SOX5: variants seen among roughly 807,000 people sequenced by gnomAD.
SOX5 encodes the protein transcription factor SOX-5.
Under a neutral mutation model 92.0 loss-of-function variants are expected in SOX5, and 9 were observed. The observed-to-expected ratio is 0.10, with a 90% CI of 0.06 to 0.17. The LOEUF (loss-of-function observed/expected upper bound fraction) is 0.17. Among genes scored for constraint, SOX5 ranks in the 10% least tolerant of loss-of-function variants. SOX5 has a pLI of 1.00. For synonymous variants in SOX5, 344 were observed against 336.3 expected, an observed-to-expected ratio of 1.02 and a Z score of -0.25; for missense variants, 642 against 944.5, an observed-to-expected ratio of 0.68 and a Z score of 4.20.
chr12:23,839,990 C>CAAAAAA (rs142394109), intron 3 of SOX5, among the ~76,000 whole-genome samples: 17 of 121,818 alleles, frequency 1.4e-4, no homozygotes, highest in African/African-American at 2.5e-4. Flanking sequence ...CTCAAGAAGA[C>CAAAAAA]AAAAAAAAAA....
At chr12:23,737,158 TC>T (rs1306395119) in intron 5 of SOX5, among the ~76,000 whole-genome samples, 1 of 152,162 alleles carries the variant, frequency 6.6e-6, no homozygotes, top group Non-Finnish European at 1.5e-5. Flanking sequence ...CACTTCAACC[TC>T]CCACGTACTT....
At chr12:23,757,643 A>T (rs547249136) in intron 3 of SOX5, among the ~76,000 whole-genome samples, 1 of 152,122 alleles carries the variant, frequency 6.6e-6, no homozygotes, top group African/African-American at 2.4e-5. Context: ...TATTTGCAAT[A>T]GAGTACTGTC....
chr12:24,173,733 C>G (rs1954466196), intron 4 of SOX5, among the ~76,000 whole-genome samples: 1 of 152,132 alleles, frequency 6.6e-6, no homozygotes, highest in Non-Finnish European at 1.5e-5. Context: ...TAAACCAAAC[C>G]TAATAAATTA....
intron 9 of SOX5, among the ~76,000 whole-genome samples, chr12:23,587,468 TA>T (rs1341096441): frequency 2.0e-5 from 3 of 152,122 alleles, no homozygotes; most frequent in African/African-American, 7.2e-5. Flanking sequence ...AAATAATCAT[TA>T]AAAAATAATT....
chr12:23,912,113 T>C (rs924257372), intron 1 of SOX5, among the ~76,000 whole-genome samples: 1 of 152,028 alleles, frequency 6.6e-6, no homozygotes, highest in African/African-American at 2.4e-5. Flanking sequence ...TAAATATATA[T>C]GCATATACTT....
intron 1 of SOX5, among the ~76,000 whole-genome samples, chr12:24,466,971 T>G (rs1944301771): frequency 6.6e-6 from 1 of 152,222 alleles, no homozygotes. Context: ...TTAAATGCAT[T>G]CTGTTTCCTA....
At chr12:24,026,444 C>A (rs940140216) in intron 4 of SOX5, among the ~76,000 whole-genome samples, 1 of 151,604 alleles carries the variant, frequency 6.6e-6, no homozygotes, top group Non-Finnish European at 1.5e-5. Context: ...AAGATGTTAA[C>A]CCTGGCTATG....
At chr12:24,258,173 A>AC (rs1941535706) in intron 3 of SOX5, among the ~76,000 whole-genome samples, 4 of 151,992 alleles carry the variant, frequency 2.6e-5, no homozygotes, top group African/African-American at 9.7e-5. Context: ...CTCCGTCAAA[A>AC]AACACACACA....
At chr12:23,602,030 A>G (rs144142513) in intron 9 of SOX5, among the ~76,000 whole-genome samples, 1,534 of 152,310 alleles carry the variant, frequency 0.01, 31 homozygotes, top group African/African-American at 0.035. Context: ...AAGAAGTACA[A>G]CACCCACTAT....
At position 24,157,086 on chromosome 12, in the gene SOX5, T is replaced by C. The variant is rs1298432810; in HGVS notation, c.-2+56257A>G. 2.6e-5 allele frequency among the ~76,000 whole-genome samples: 4 copies of C among 152,158 alleles called. No homozygotes were observed. The East Asian group carries it at 7.7e-4, about 29-fold the overall frequency. The stretch of plus-strand genomic sequence containing the variant: ...TTTCCAAGTGTTTATCTTCAGTGTT[T>C]TCTTTCCATTTTCATTGTAGTAGAG... On this transcript the variant is annotated intron_variant, in intron 4 of 4. Transcript: ENST00000446891.
intron 2 of SOX5, among the ~76,000 whole-genome samples, chr12:23,865,772 A>T (rs970837503): frequency 6.6e-6 from 1 of 152,214 alleles, no homozygotes; most frequent in African/African-American, 2.4e-5. Flanking sequence ...AAACTTCTGG[A>T]AAGGTTTCAT....
intron 3 of SOX5, among the ~76,000 whole-genome samples, chr12:24,241,913 CAGTTTT>C (rs1211303138): frequency 6.6e-6 from 1 of 152,052 alleles, no homozygotes; most frequent in Non-Finnish European, 1.5e-5. Flanking sequence ...TTACTGTCTA[CAGTTTT>C]AATTTTTAAG....
At chr12:24,199,163 GATC>G (rs1957289097) in intron 4 of SOX5, among the ~76,000 whole-genome samples, 1 of 152,190 alleles carries the variant, frequency 6.6e-6, no homozygotes, top group Admixed American at 6.5e-5. Context: ...CTGTGTCTGA[GATC>G]ATGAGAGATG....
At chr12:23,822,340 T>C (rs1396243037) in intron 3 of SOX5, among the ~76,000 whole-genome samples, 3 of 152,224 alleles carry the variant, frequency 2.0e-5, no homozygotes, top group African/African-American at 7.2e-5. Context: ...TTCTCATTGG[T>C]TTCAAAGAAC....
chr12:23,911,431 C>T (rs771886816), intron 1 of SOX5, among the ~76,000 whole-genome samples: 6 of 152,042 alleles, frequency 3.9e-5, no homozygotes, highest in Non-Finnish European at 8.8e-5. Context: ...GTTTATACTA[C>T]AGCATGTCTT....
intron 4 of SOX5, among the ~76,000 whole-genome samples, chr12:24,167,391 A>G (rs1953538879): frequency 6.6e-6 from 1 of 152,242 alleles, no homozygotes; most frequent in Admixed American, 6.5e-5. Context: ...ACACCTATTA[A>G]CAATTTATAG....
chr12:23,708,323 A>C (rs1436275966), intron 6 of SOX5, among the ~76,000 whole-genome samples: 1 of 152,120 alleles, frequency 6.6e-6, no homozygotes, highest in Non-Finnish European at 1.5e-5. Flanking sequence ...CATATAAAAA[A>C]AAAAACAAAC....
chr12:24,100,305 T>A (rs139244410), intron 4 of SOX5, among the ~76,000 whole-genome samples: 1 of 152,118 alleles, frequency 6.6e-6, no homozygotes, highest in Non-Finnish European at 1.5e-5. Context: ...ACCACCCAAC[T>A]CTTTCTTAAA....
intron 6 of SOX5, among the ~76,000 whole-genome samples, chr12:23,682,221 G>A (rs574664582): frequency 1.8e-4 from 27 of 151,934 alleles, no homozygotes; most frequent in African/African-American, 6.0e-4. Flanking sequence ...ATTTAGTGCT[G>A]TACAAAAATA....
Sources: gnomAD v4.1 joint callset for allele counts (sites outside exome capture counted in the v4.1 genomes callset) on GRCh38, gnomAD v4.1.1 for gene constraint, MANE v1.5 for transcripts, NCBI Gene and HGNC (gene_info 2026-07-23, HGNC 2026-07-21) for gene names.